Variants in SLC18A2 observed in about 807,000 individuals in gnomAD.
The protein encoded by SLC18A2 is synaptic vesicular amine transporter.
Under a neutral mutation model 59.2 loss-of-function variants are expected in SLC18A2, and 33 were observed. That is an observed-to-expected ratio of 0.56 (90% CI 0.42 to 0.75). The LOEUF is 0.75. SLC18A2 is among the 30% of genes least tolerant of loss of function. SLC18A2 has a pLI of 0.00. For missense variants in SLC18A2, 569 were observed against 668.6 expected, an observed-to-expected ratio of 0.85 and a Z score of 1.64; for synonymous variants, 228 against 253.5, an observed-to-expected ratio of 0.90 and a Z score of 0.95.
intron 9 of SLC18A2, among the ~76,000 whole-genome samples, chr10:117,256,033 C>G (rs1198800773): frequency 6.6e-6 from 1 of 152,118 alleles, no homozygotes; most frequent in Non-Finnish European, 1.5e-5. Flanking sequence ...GGCCTCAAGG[C>G]AAGGGTCCCC....
chr10:117,267,571 C>G, intron 12 of SLC18A2, 102 bp from the exon 13 acceptor site: 1 of 786,068 alleles, frequency 1.3e-6, no homozygotes, highest in Non-Finnish European at 2.0e-6. Flanking sequence ...CAGAAGGGAA[C>G]AGGCATACCA....
chr10:117,254,603 G>T, intron 6 of SLC18A2, 106 bp downstream of exon 6: 1 of 610,898 alleles, frequency 1.6e-6, no homozygotes, highest in Non-Finnish European at 2.6e-6. Context: ...CTGACACAGA[G>T]GTCCCCTTTT....
At chr10:117,243,153 C>CA (rs2133725083) in intron 2 of SLC18A2, among the ~76,000 whole-genome samples, 1 of 152,318 alleles carries the variant, frequency 6.6e-6, no homozygotes, top group South Asian at 2.1e-4. Context: ...GCAGAATTTC[C>CA]AAGTTATTAC....
At chr10:117,266,405 A>G (rs551657744) in intron 10 of SLC18A2, among the ~76,000 whole-genome samples, 2 of 152,336 alleles carry the variant, frequency 1.3e-5, no homozygotes, top group East Asian at 1.9e-4. Flanking sequence ...GAAATCACAC[A>G]TAAGATTGCA....
chr10:117,264,960 C>T lies in SLC18A2; in HGVS notation c.992-1773C>T, dbSNP rs958545301. Among the ~76,000 whole-genome samples the T allele has an allele frequency of 2.7e-4, 41 of 152,146 alleles. 1 individual carries two copies. Among genetic ancestry groups the T allele is most frequent in the African/African-American group, 9.4e-4 (39 of 41,436 alleles). ...TTACTTGGCCAGGTCACAGTTTAAA[C>T]GTCATCTGCTCCTTTCCTTCAAAAC... On this transcript the variant is annotated intron_variant, in intron 10 of 15. Coordinates refer to ENST00000644641, the MANE Select transcript of SLC18A2 (RefSeq NM_003054.6).
rs1303491723 is a variant in SLC18A2, at chr10:117,241,620, G to A, written c.-15-59G>A. 4.1e-6 allele frequency: 6 copies of A among 1,473,242 alleles called. No individual in the cohort carries two copies. The East Asian group carries it at 1.7e-4, about 42-fold the overall frequency. The allele number at this position is 1,473,242 out of a possible 1,614,324, so 91.3% of individuals were successfully genotyped here. A position where few individuals can be genotyped will look rare whatever the true frequency, so the allele number is the denominator to read the frequency against. On this transcript the variant is annotated intron_variant, in intron 1 of 15. Transcript: ENST00000644641. ...TGACCCGCCCTTCCGCGGCCTGGGG[G>A]ACGGGAGAATGGGGGGTCCACGGCC...
At position 117,241,822 on chromosome 10, in the gene SLC18A2, C is replaced by A. The variant is rs371054254; in HGVS notation, c.121+8C>A. The A allele has an allele frequency of 3.1e-6, 5 of 1,602,732 alleles. No homozygotes were observed. The highest frequency in any genetic ancestry group is 2.3e-5 in the East Asian group (1 of 43,414). On this transcript the variant is annotated splice_region_variant and intron_variant, in intron 2 of 15. Transcript: ENST00000644641. ...TGCTGCTCACTGTCGTGGGTACGTG[C>A]GGACAGGGCACCCCTGCCCCGGCAC...
chr10:117,248,649 A>C (rs1205059233), intron 3 of SLC18A2, among the ~76,000 whole-genome samples: 1 of 152,214 alleles, frequency 6.6e-6, no homozygotes, highest in Non-Finnish European at 1.5e-5. Context: ...CTAAGAAGCA[A>C]ATTTTAGATA....
At chr10:117,245,993 T>C (rs1844107099) in intron 3 of SLC18A2, among the ~76,000 whole-genome samples, 1 of 152,224 alleles carries the variant, frequency 6.6e-6, no homozygotes, top group Non-Finnish European at 1.5e-5. Flanking sequence ...AAGGGCTGAC[T>C]GTGAGCCCAT....
At chr10:117,251,841 C>T (rs923022470) in intron 3 of SLC18A2, among the ~76,000 whole-genome samples, 1 of 152,132 alleles carries the variant, frequency 6.6e-6, no homozygotes, top group African/African-American at 2.4e-5. Context: ...TCAGTTTCCT[C>T]ATCTGTAACA....
At chr10:117,267,514 A>C (rs986335440) in intron 12 of SLC18A2, 159 bp from the exon 13 acceptor site, 2 of 509,326 alleles carry the variant, frequency 3.9e-6, no homozygotes, top group South Asian at 4.2e-5. Flanking sequence ...AAAGATTTGG[A>C]GGGTCCGGTT....
chr10:117,272,321 C>T (rs1223772092), intron 15 of SLC18A2, among the ~76,000 whole-genome samples: 2 of 152,200 alleles, frequency 1.3e-5, no homozygotes, highest in Non-Finnish European at 2.9e-5. Flanking sequence ...TTTTGCTATA[C>T]AGACCCCAGA....
chr10:117,250,185 G>C (rs1844146847), intron 3 of SLC18A2, among the ~76,000 whole-genome samples: 1 of 152,188 alleles, frequency 6.6e-6, no homozygotes, highest in South Asian at 2.1e-4. Flanking sequence ...TCTTTGCCTT[G>C]AAGCCGAGCT....
intron 2 of SLC18A2, among the ~76,000 whole-genome samples, chr10:117,242,878 T>C (rs1844071299): frequency 6.6e-6 from 1 of 152,114 alleles, no homozygotes; most frequent in Admixed American, 6.5e-5. Flanking sequence ...GTTACCGGCA[T>C]GCCCCACCAA....
chr10:117,260,620 C>A (rs1317989163), intron 10 of SLC18A2, among the ~76,000 whole-genome samples: 1 of 152,180 alleles, frequency 6.6e-6, no homozygotes, highest in African/African-American at 2.4e-5. Flanking sequence ...TAACTGGAAA[C>A]CTTTTATTCT....
intron 10 of SLC18A2, among the ~76,000 whole-genome samples, chr10:117,264,960 C>CT (rs1844332816): frequency 6.6e-6 from 1 of 152,146 alleles, no homozygotes; most frequent in African/African-American, 2.4e-5. Context: ...ACAGTTTAAA[C>CT]GTCATCTGCT....
rs570973480 is a variant in SLC18A2 at position 117,264,805 on chromosome 10, C to T, written c.992-1928C>T. Reference sequence around the variant, plus strand: ...ATATCTTACTATCCGGACTAACAGTCCCTAGAGCTGGTAGGAAGTCCTACG... The same window carrying T: ...ATATCTTACTATCCGGACTAACAGTTCCTAGAGCTGGTAGGAAGTCCTACG... On this transcript the variant is annotated intron_variant, in intron 10 of 15. Transcript: ENST00000644641. Among the ~76,000 whole-genome samples the T allele has an allele frequency of 3.3e-5, 5 of 152,316 alleles. No homozygotes were observed. In the South Asian group the frequency reaches 1.0e-3, roughly 32 times the overall value.
chr10:117,246,256 A>T (rs363393), intron 3 of SLC18A2, among the ~76,000 whole-genome samples: 21,743 of 152,284 alleles, frequency 0.14, 2,100 homozygotes, highest in Middle Eastern at 0.22. Flanking sequence ...TACTAGCCGT[A>T]CAGTGTAATA....
chr10:117,276,497 T>G (rs1379851998), intron 15 of SLC18A2, among the ~76,000 whole-genome samples: 2 of 148,396 alleles, frequency 1.3e-5, no homozygotes, highest in African/African-American at 2.5e-5. Context: ...ACCTGTAATA[T>G]CAGCTACTTG....
Sources: allele counts gnomAD v4.1 joint callset (sites outside exome capture counted in the v4.1 genomes callset), GRCh38; gene constraint gnomAD v4.1.1; transcripts MANE v1.5; gene names NCBI Gene and HGNC (gene_info 2026-07-23, HGNC 2026-07-21).